The following MAPK10 variants were observed in gnomAD, a reference collection of about 807,000 sequenced individuals.
MAPK10 encodes JNK3 alpha protein kinase.
A neutral mutation model predicts 59.3 loss-of-function variants in MAPK10; 25 were observed. That is an observed-to-expected ratio of 0.42 (90% CI 0.31 to 0.59). MAPK10 has a LOEUF of 0.59. MAPK10 is among the 20% of genes least tolerant of loss of function. MAPK10 has a pLI of 0.15. For synonymous variants in MAPK10, 190 were observed against 200.5 expected (o/e 0.95, Z 0.44); for missense variants, 351 against 568.9 (o/e 0.62, Z 3.90).
upstream of MAPK10, among the ~76,000 whole-genome samples, chr4:86,455,242 A>G (rs1359324907): frequency 2.6e-5 from 4 of 152,168 alleles, no homozygotes; most frequent in Non-Finnish European, 5.9e-5. Context: ...AAAACAAGGT[A>G]TACAGGCAAC....
chr4:86,245,620 CACTGT>C (rs2148699643), intron 2 of MAPK10, among the ~76,000 whole-genome samples: 1 of 152,230 alleles, frequency 6.6e-6, no homozygotes, highest in South Asian at 2.1e-4. Context: ...AGGTGTAAGC[CACTGT>C]GGCAGGCCCA....
At chr4:86,031,457 C>T in intron 11 of MAPK10, 26 bp from the exon 12 acceptor site, 2 of 1,544,592 alleles carry the variant, frequency 1.3e-6, no homozygotes, top group Non-Finnish European at 1.8e-6. Context: ...AAAAAATAAT[C>T]TTTGTGTGAT....
chr4:86,201,422 T>C (rs2082591411), intron 2 of MAPK10, among the ~76,000 whole-genome samples: 1 of 151,926 alleles, frequency 6.6e-6, no homozygotes, highest in Admixed American at 6.6e-5. Flanking sequence ...AAAAATATAA[T>C]GCTGACTAAA....
intron 2 of MAPK10, among the ~76,000 whole-genome samples, chr4:86,312,907 C>T (rs944887193): frequency 2.0e-5 from 3 of 151,954 alleles, no homozygotes; most frequent in African/African-American, 4.8e-5. Flanking sequence ...GTACTTTTGG[C>T]GTTGATATTA....
intron 2 of MAPK10, among the ~76,000 whole-genome samples, chr4:86,222,259 C>T (rs556877967): frequency 6.6e-6 from 1 of 152,314 alleles, no homozygotes; most frequent in Admixed American, 6.5e-5. Context: ...ATATATTCTT[C>T]ATTTATAGAG....
intron 1 of MAPK10, among the ~76,000 whole-genome samples, chr4:86,537,569 C>T (rs186317002): frequency 3.3e-5 from 5 of 152,126 alleles, no homozygotes; most frequent in South Asian, 2.1e-4. Flanking sequence ...GATTGTGACA[C>T]GTCAAAAGGA....
intron 2 of MAPK10, among the ~76,000 whole-genome samples, chr4:86,209,901 CT>C (rs2085301641): frequency 1.3e-5 from 2 of 152,182 alleles, no homozygotes; most frequent in South Asian, 4.1e-4. Context: ...GTAACCAAAG[CT>C]GTATGGTGCT....
chr4:86,581,892 ATATATAT>A (rs1762303942), intron 1 of MAPK10, among the ~76,000 whole-genome samples: 3 of 117,388 alleles, frequency 2.6e-5, no homozygotes, highest in African/African-American at 9.7e-5. Flanking sequence ...ACTTTAAGCT[ATATATAT>A]TATATATATA....
chr4:86,364,420 C>T (rs1737499855), upstream of MAPK10, among the ~76,000 whole-genome samples: 1 of 152,148 alleles, frequency 6.6e-6, no homozygotes, highest in East Asian at 1.9e-4. Flanking sequence ...TGAGCCACTG[C>T]TCCAGGTCCA....
At chr4:86,429,465 T>C (rs1747744252) in intron 1 of MAPK10, among the ~76,000 whole-genome samples, 1 of 152,190 alleles carries the variant, frequency 6.6e-6, no homozygotes, top group Non-Finnish European at 1.5e-5. Context: ...ATTCTGTTAT[T>C]ATCATATATA....
At chr4:86,353,021 G>C (rs17451111) in intron 2 of MAPK10, among the ~76,000 whole-genome samples, 42,421 of 152,024 alleles carry the variant, frequency 0.28, 6,698 homozygotes, top group Non-Finnish European at 0.35. Flanking sequence ...GTTAAAAAAT[G>C]TTCCCACTGT....
chr4:86,310,176 A>G (rs771593559), intron 2 of MAPK10, among the ~76,000 whole-genome samples: 3 of 152,094 alleles, frequency 2.0e-5, no homozygotes, highest in Non-Finnish European at 2.9e-5. Flanking sequence ...TCCAGATGGA[A>G]CCAAAGTACT....
chr4:86,367,982 A>G (rs1738190346), intron 1 of MAPK10, among the ~76,000 whole-genome samples: 1 of 152,174 alleles, frequency 6.6e-6, no homozygotes, highest in African/African-American at 2.4e-5. Flanking sequence ...GAAAACTATT[A>G]AAATTTCTCA....
chr4:86,294,745 G>A (rs945464446), intron 2 of MAPK10, among the ~76,000 whole-genome samples: 2 of 152,156 alleles, frequency 1.3e-5, no homozygotes, highest in Non-Finnish European at 2.9e-5. Context: ...GGAGAGACCA[G>A]GGAGGCTGAG....
chr4:86,159,829 G>C (rs989517894), intron 3 of MAPK10, among the ~76,000 whole-genome samples: 15 of 151,806 alleles, frequency 9.9e-5, no homozygotes, highest in Admixed American at 9.9e-4. Context: ...GATCCTTCAG[G>C]ATTCAAGTAA....
chr4:86,377,757 G>T (rs749825444), intron 1 of MAPK10, among the ~76,000 whole-genome samples: 6 of 151,922 alleles, frequency 3.9e-5, no homozygotes, highest in Non-Finnish European at 8.8e-5. Flanking sequence ...TATTAGTCAG[G>T]GTTCTCTAGA....
chr4:86,440,501 C>T (rs911582218), intron 1 of MAPK10, among the ~76,000 whole-genome samples: 1 of 151,914 alleles, frequency 6.6e-6, no homozygotes, highest in South Asian at 2.1e-4. Flanking sequence ...CATGGTGGCA[C>T]ATGCCTGTAG....
At chr4:86,047,772 G>C (rs1276549311) in intron 11 of MAPK10, among the ~76,000 whole-genome samples, 1 of 152,134 alleles carries the variant, frequency 6.6e-6, no homozygotes, top group African/African-American at 2.4e-5. Flanking sequence ...TAAGTACTTT[G>C]AGTTTTGTTA....
At chr4:86,545,535 G>C (rs1759081696) in intron 1 of MAPK10, among the ~76,000 whole-genome samples, 1 of 152,156 alleles carries the variant, frequency 6.6e-6, no homozygotes, top group Non-Finnish European at 1.5e-5. Context: ...ATGGCACAAT[G>C]CAGGAAATGG....
Sources: gnomAD v4.1 joint callset for allele counts (sites outside exome capture counted in the v4.1 genomes callset) on GRCh38, gnomAD v4.1.1 for gene constraint, MANE v1.5 for transcripts, NCBI Gene and HGNC (gene_info 2026-07-23, HGNC 2026-07-21) for gene names.